EPS15L1: variants seen among roughly 807,000 people sequenced by gnomAD.
EPS15L1 encodes epidermal growth factor receptor substrate 15-like 1.
A neutral mutation model predicts 117.1 loss-of-function variants in EPS15L1; 43 were observed. That is an observed-to-expected ratio of 0.37 (90% CI 0.29 to 0.47). The LOEUF (loss-of-function observed/expected upper bound fraction) is 0.47, where lower values mean the gene tolerates loss of function less well. Ranked by LOEUF, EPS15L1 falls within the 20% of genes least tolerant of loss-of-function variation. The pLI, the probability that EPS15L1 is intolerant of heterozygous loss-of-function variation, is 0.99. For synonymous variants in EPS15L1, 459 were observed against 470.5 expected (o/e 0.98, Z 0.32); for missense variants, 981 against 1,164.0 (o/e 0.84, Z 2.29).
intron 9 of EPS15L1, among the ~76,000 whole-genome samples, chr19:16,424,253 G>A (rs1422654206): frequency 2.0e-5 from 3 of 152,172 alleles, no homozygotes; most frequent in African/African-American, 7.2e-5. Flanking sequence ...GTGGACTGTA[G>A]GCCCCCAGAA....
chr19:16,399,969 A>C (rs974805652), intron 16 of EPS15L1, among the ~76,000 whole-genome samples: 4 of 152,178 alleles, frequency 2.6e-5, no homozygotes, highest in African/African-American at 9.7e-5. Flanking sequence ...TCTCTCCATA[A>C]GTTGATTGGA....
Position 16,401,843 on chromosome 19 carries a change from T to C in EPS15L1, c.1791+478A>G, listed in dbSNP as rs2092604503. ...AAAGAGCAACACCCTGGGGCGCTGC[T>C]TGCCATTACTTCCTCATCTTTAGCA... On this transcript the variant is annotated intron_variant, in intron 16 of 23. Transcript: ENST00000455140. 1.0e-5 allele frequency: 10 copies of C among 987,112 alleles called. No individual in the cohort carries two copies. The Admixed American group carries it at 2.4e-4, about 24-fold the overall frequency. 61.1% of individuals were successfully genotyped at this position (987,112 alleles called of 1,614,324 possible).
chr19:16,414,406 CTT>C (rs891390673), intron 12 of EPS15L1, among the ~76,000 whole-genome samples: 5 of 147,462 alleles, frequency 3.4e-5, no homozygotes, highest in Non-Finnish European at 6.0e-5. Flanking sequence ...TGAACTACTA[CTT>C]TTTTTTTTTT....
At chr19:16,396,500 C>T (rs1226354018) in intron 16 of EPS15L1, among the ~76,000 whole-genome samples, 1 of 152,094 alleles carries the variant, frequency 6.6e-6, no homozygotes, top group Non-Finnish European at 1.5e-5. Flanking sequence ...CTGAGCTCAA[C>T]TGATCCTCCC....
intron 22 of EPS15L1, among the ~76,000 whole-genome samples, chr19:16,375,842 T>C (rs547560809): frequency 1.2e-4 from 19 of 152,320 alleles, no homozygotes; most frequent in African/African-American, 4.1e-4. Flanking sequence ...GAGAAGGCCA[T>C]GGCCAGCCCA....
At position 16,381,597 on chromosome 19, in the gene EPS15L1, C is replaced by G. The variant is rs957966869; in HGVS notation, c.2247+3532G>C. 6.6e-6 allele frequency among the ~76,000 whole-genome samples: 1 copy of G among 152,218 alleles called. No individual in the cohort carries two copies. Among genetic ancestry groups the G allele is most frequent in the African/African-American group, 2.4e-5 (1 of 41,462 alleles). On this transcript the variant is annotated intron_variant, in intron 21 of 23. Transcript: ENST00000455140. The surrounding 1 kb of genome is among the most constrained non-coding windows in gnomAD (Gnocchi z 4.2). ...AGATAAAGTTGGCACATGGACCACACGACAATGATCACACCAAGTACGAAG... is the reference window on the plus strand; with the variant it reads ...AGATAAAGTTGGCACATGGACCACAGGACAATGATCACACCAAGTACGAAG...
chr19:16,432,380 G>A (rs2092937098), intron 7 of EPS15L1, among the ~76,000 whole-genome samples: 3 of 152,006 alleles, frequency 2.0e-5, no homozygotes, highest in Non-Finnish European at 4.4e-5. Flanking sequence ...CATCCTGGCT[G>A]ACATGGTGAA....
At chr19:16,406,934 A>C (rs952021342) in intron 13 of EPS15L1, among the ~76,000 whole-genome samples, 2 of 152,180 alleles carry the variant, frequency 1.3e-5, no homozygotes, top group African/African-American at 4.8e-5. Context: ...TAGTGGCCTT[A>C]TAAAAGAGGC....
chr19:16,464,934 CCAGG>C (rs1295797687), intron 1 of EPS15L1, among the ~76,000 whole-genome samples: 1 of 152,064 alleles, frequency 6.6e-6, no homozygotes. Context: ...AAAAAATTAG[CCAGG>C]TGTGGTGGCG....
At chr19:16,391,204 T>A (rs771309306) in intron 19 of EPS15L1, among the ~76,000 whole-genome samples, 8 of 150,858 alleles carry the variant, frequency 5.3e-5, no homozygotes, top group Non-Finnish European at 1.0e-4. Context: ...TAAATAGGAG[T>A]AAGGAAATGG....
In EPS15L1 at chr19:16,370,093, C is replaced by T. The variant is rs576618416; in HGVS notation, c.2380+7029G>A. On this transcript the variant is annotated intron_variant, in intron 22 of 23. Transcript: ENST00000455140. This position sits in a 1 kb window ranked among gnomAD's most constrained non-coding sequence, Gnocchi z 5.2. ...GCGAGTCTGAAAGCTGGTTAGGGGT[C>T]GTGCATGAAAGGACCCAAAAGAGCC... Among the ~76,000 whole-genome samples the T allele has an allele frequency of 8.5e-5, 13 of 152,114 alleles. No individual in the cohort carries two copies. The highest frequency in any genetic ancestry group is 1.6e-4 in the Non-Finnish European group (11 of 68,016).
intron 3 of EPS15L1, chr19:16,441,668 G>C: frequency 7.5e-6 from 2 of 267,402 alleles, no homozygotes; most frequent in East Asian, 6.6e-5. Context: ...AAGCTATCAA[G>C]ACCCCAAAAG....
intron 19 of EPS15L1, among the ~76,000 whole-genome samples, chr19:16,391,690 A>G (rs1172446550): frequency 6.7e-6 from 1 of 150,166 alleles, no homozygotes; most frequent in Non-Finnish European, 1.5e-5. Context: ...TGGGCATAAT[A>G]TGCAAAATAC....
At chr19:16,417,406 A>T in intron 12 of EPS15L1, 146 bp downstream of exon 12, 1 of 687,404 alleles carries the variant, frequency 1.5e-6, no homozygotes. Flanking sequence ...GAGCCAGTTT[A>T]GGACCTCAGA....
chr19:16,393,738 G>C (rs992292963), intron 18 of EPS15L1, among the ~76,000 whole-genome samples: 2 of 152,076 alleles, frequency 1.3e-5, no homozygotes, highest in African/African-American at 4.8e-5. Context: ...CCACACTCCA[G>C]GGTGGGGTGC....
chr19:16,464,802 G>A (rs546208926), intron 1 of EPS15L1, among the ~76,000 whole-genome samples: 2 of 152,126 alleles, frequency 1.3e-5, no homozygotes, highest in Middle Eastern at 3.4e-3. Context: ...AAAAATTCAC[G>A]GGTGGGCATG....
At chr19:16,357,698 G>A (rs908789318) in intron 23 of EPS15L1, 20 of 152,334 alleles carry the variant, frequency 1.3e-4, no homozygotes, top group African/African-American at 4.8e-4. Flanking sequence ...CCAGATGGGG[G>A]ACAGGCGGAG....
intron 16 of EPS15L1, chr19:16,401,027 A>G: frequency 1.0e-6 from 1 of 985,464 alleles, no homozygotes; most frequent in Non-Finnish European, 1.2e-6. Flanking sequence ...CGCCAAGAAC[A>G]GCCAGGGAGC....
In EPS15L1 at chr19:16,445,160, G is replaced by A. The variant is rs980274871; in HGVS notation, c.34-2941C>T. Among the ~76,000 whole-genome samples the A allele has an allele frequency of 7.9e-5, 12 of 152,206 alleles. 1 individual carries two copies. The highest frequency in any genetic ancestry group is 1.7e-4 in the African/African-American group (7 of 41,450). ...TCTGCTCTACTTCCCAGGCGCTAAT[G>A]AGCAACAAGATCCGCAACCAAGAGA... On this transcript the variant is annotated intron_variant, in intron 1 of 23. Transcript: ENST00000455140.
Sources: allele counts gnomAD v4.1 joint callset (sites outside exome capture counted in the v4.1 genomes callset), GRCh38; gene constraint gnomAD v4.1.1; non-coding constraint Gnocchi (gnomAD v3.1); transcripts MANE v1.5; gene names NCBI Gene and HGNC (gene_info 2026-07-23, HGNC 2026-07-21).